The following NAA15 variants were observed in gnomAD, a reference collection of about 807,000 sequenced individuals.
The protein encoded by NAA15 is N-alpha-acetyltransferase 15, NatA auxiliary subunit, also known as N-terminal acetyltransferase.
NAA15 carries 34 observed loss-of-function variants against 114.0 expected under a neutral mutation model. The observed-to-expected ratio is 0.30, with a 90% CI of 0.23 to 0.40. NAA15 has a LOEUF of 0.40. Ranked by LOEUF, NAA15 falls within the 10% of genes least tolerant of loss-of-function variation. The probability of loss-of-function intolerance (pLI) is 1.00; values close to 1 mark genes in which losing one functional copy is unlikely to be tolerated. For synonymous variants in NAA15, 340 were observed against 338.0 expected, an observed-to-expected ratio of 1.01 and a Z score of -0.06; for missense variants, 658 against 1,004.5, an observed-to-expected ratio of 0.66 and a Z score of 4.66.
chr4:139,388,518 G>C lies in NAA15; in HGVS notation c.*434G>C, dbSNP rs1457932920. 6.3e-6 allele frequency: 1 copy of C among 157,674 alleles called. No individual in the cohort carries two copies. The highest frequency in any genetic ancestry group is 1.4e-5 in the Non-Finnish European group (1 of 71,404). 9.8% of individuals were successfully genotyped at this position (157,674 alleles called of 1,614,324 possible). ...ATTCTTTCACTGAGCACAAAGAGTT[G>C]TTGGGGCTTTAGCATCTGACTGATT... On this transcript the variant is annotated 3_prime_UTR_variant, in exon 20 of 20. Transcript: ENST00000296543.
intron 1 of NAA15, among the ~76,000 whole-genome samples, chr4:139,306,320 A>C (rs529195442): frequency 1.5e-4 from 23 of 151,998 alleles, no homozygotes; most frequent in African/African-American, 5.1e-4. Flanking sequence ...GCTCACTGCA[A>C]CCTCCACCTC....
intron 17 of NAA15, among the ~76,000 whole-genome samples, chr4:139,381,703 A>G (rs181749599): frequency 5.4e-4 from 82 of 152,198 alleles, no homozygotes; most frequent in African/African-American, 1.6e-3. Flanking sequence ...TTTTTACCCA[A>G]ATTATTAACA....
At chr4:139,304,798 C>T (rs931602247) in intron 1 of NAA15, among the ~76,000 whole-genome samples, 2 of 152,104 alleles carry the variant, frequency 1.3e-5, no homozygotes, top group African/African-American at 4.8e-5. Flanking sequence ...CCAAAGTACC[C>T]CCCTCTGTTG....
In NAA15 at chr4:139,388,089, C is replaced by A. The variant is rs1748958295; in HGVS notation, c.*5C>A. The A allele has an allele frequency of 6.2e-7, 1 of 1,612,088 alleles. No individual in the cohort carries two copies. The highest frequency in any genetic ancestry group is 8.5e-7 in the Non-Finnish European group (1 of 1,178,732). On this transcript the variant is annotated 3_prime_UTR_variant, in exon 20 of 20. Transcript: ENST00000296543. ...GAACTGGCCAATGAAATTTGAACAT[C>A]ACTAAACAAGCAAATGGAATGACTT...
chr4:139,320,478 T>G (rs942372723), intron 1 of NAA15, among the ~76,000 whole-genome samples: 8 of 152,182 alleles, frequency 5.3e-5, no homozygotes, highest in African/African-American at 1.7e-4. Context: ...TCCCAGTTCT[T>G]TCTCTGTGAT....
chr4:139,332,648 T>A (rs961646858), intron 1 of NAA15, among the ~76,000 whole-genome samples: 1 of 140,006 alleles, frequency 7.1e-6, no homozygotes, highest in Non-Finnish European at 1.5e-5. Context: ...GGTGGTGCGA[T>A]CTCTGCTCAC....
intron 13 of NAA15, among the ~76,000 whole-genome samples, 154 bp downstream of exon 13, chr4:139,360,782 A>G (rs1748109075): frequency 6.6e-6 from 1 of 152,164 alleles, no homozygotes; most frequent in Admixed American, 6.5e-5. Context: ...CTGGAAATAT[A>G]GACTGCATTT....
intron 1 of NAA15, among the ~76,000 whole-genome samples, chr4:139,306,981 A>G (rs917651761): frequency 6.6e-6 from 1 of 152,208 alleles, no homozygotes; most frequent in African/African-American, 2.4e-5. Flanking sequence ...AAAATATTGT[A>G]CATCAATAAA....
At chr4:139,371,709 A>G (rs915143623) in intron 15 of NAA15, among the ~76,000 whole-genome samples, 6 of 152,282 alleles carry the variant, frequency 3.9e-5, no homozygotes, top group Middle Eastern at 3.4e-3. Flanking sequence ...TTGAGGCCTC[A>G]GAGAATTTCA....
intron 1 of NAA15, among the ~76,000 whole-genome samples, chr4:139,331,824 ATTG>A (rs1747017261): frequency 6.6e-6 from 1 of 151,968 alleles, no homozygotes; most frequent in African/African-American, 2.4e-5. Context: ...CTATGCATAT[ATTG>A]TTCAGTATTG....
intron 1 of NAA15, among the ~76,000 whole-genome samples, chr4:139,306,977 T>C (rs1746043372): frequency 1.3e-5 from 2 of 152,246 alleles, no homozygotes; most frequent in South Asian, 2.1e-4. Flanking sequence ...AGTTAAAATA[T>C]TGTACATCAA....
At chr4:139,385,954 C>G (rs557257390) in intron 18 of NAA15, among the ~76,000 whole-genome samples, 179 bp from the exon 19 acceptor site, 67 of 152,264 alleles carry the variant, frequency 4.4e-4, no homozygotes, top group Non-Finnish European at 8.7e-4. Flanking sequence ...GATGGTTAAG[C>G]TAATCCCCTT....
At chr4:139,346,318 C>T (rs143736739) in intron 6 of NAA15, among the ~76,000 whole-genome samples, 2 of 152,234 alleles carry the variant, frequency 1.3e-5, no homozygotes, top group East Asian at 3.9e-4. Flanking sequence ...ATAAGGCTAT[C>T]AGCTCATTCC....
intron 1 of NAA15, among the ~76,000 whole-genome samples, chr4:139,305,251 G>T (rs1745971642): frequency 6.6e-6 from 1 of 152,174 alleles, no homozygotes; most frequent in African/African-American, 2.4e-5. Context: ...CAGTGCTGAA[G>T]ATCTATTGAT....
chr4:139,315,003 T>C (rs542329363), intron 1 of NAA15, among the ~76,000 whole-genome samples: 3,372 of 78,678 alleles, frequency 0.043, 178 homozygotes, highest in Admixed American at 0.056. Context: ...CAGTTCAGTT[T>C]AGTTTAGGTT....
At chr4:139,353,893 G>A (rs1483380845) in intron 9 of NAA15, 133 bp from the exon 10 acceptor site, 2 of 640,646 alleles carry the variant, frequency 3.1e-6, no homozygotes, top group Non-Finnish European at 5.4e-6. Context: ...TAGAGGTTAA[G>A]ATATTTTTAA....
intron 15 of NAA15, among the ~76,000 whole-genome samples, chr4:139,374,344 A>G (rs1188506557): frequency 6.6e-6 from 1 of 152,190 alleles, no homozygotes; most frequent in African/African-American, 2.4e-5. Context: ...GAGACAAAGA[A>G]TAATATGCAT....
At chr4:139,381,959 T>TAAG in intron 17 of NAA15, among the ~76,000 whole-genome samples, 1 of 152,320 alleles carries the variant, frequency 6.6e-6, no homozygotes, top group East Asian at 1.9e-4. Context: ...CTTATTACTC[T>TAAG]TTCATGGAAG....
chr4:139,323,052 TC>T (rs368896436), intron 1 of NAA15, among the ~76,000 whole-genome samples: 1 of 139,816 alleles, frequency 7.2e-6, no homozygotes, highest in Non-Finnish European at 1.5e-5. Context: ...TCTTTTCTTT[TC>T]TTTTTTTTTT....
Sources: allele counts gnomAD v4.1 joint callset (sites outside exome capture counted in the v4.1 genomes callset), GRCh38; gene constraint gnomAD v4.1.1; transcripts MANE v1.5; gene names NCBI Gene and HGNC (gene_info 2026-07-23, HGNC 2026-07-21).